Variants in TEAD4 observed in about 807,000 individuals in gnomAD.
TEAD4 encodes the protein transcriptional enhancer factor TEF-3.
Under a neutral mutation model 52.4 loss-of-function variants are expected in TEAD4, and 36 were observed. The ratio of observed to expected loss-of-function variants is 0.69; its 90% CI spans 0.53 to 0.91. TEAD4 has a LOEUF of 0.91. Among genes scored for constraint, TEAD4 ranks in the 40% least tolerant of loss-of-function variants. TEAD4 has a pLI of 0.00. For synonymous variants in TEAD4, 220 were observed against 231.0 expected (o/e 0.95, Z 0.43); for missense variants, 508 against 583.9 (o/e 0.87, Z 1.34).
At chr12:3,037,466 A>T (rs1159117514) in intron 10 of TEAD4, among the ~76,000 whole-genome samples, 1 of 152,152 alleles carries the variant, frequency 6.6e-6, no homozygotes, top group African/African-American at 2.4e-5. Context: ...AGAGGATGAG[A>T]CAGGAGCAGC....
At chr12:2,979,108 G>T (rs1172322570) in intron 2 of TEAD4, among the ~76,000 whole-genome samples, 1 of 151,926 alleles carries the variant, frequency 6.6e-6, no homozygotes, top group Non-Finnish European at 1.5e-5. Flanking sequence ...TAGAGACAGG[G>T]TTTCACATTG....
At chr12:2,970,927 T>C (rs981297340) in intron 2 of TEAD4, among the ~76,000 whole-genome samples, 1 of 152,244 alleles carries the variant, frequency 6.6e-6, no homozygotes, top group Non-Finnish European at 1.5e-5. Flanking sequence ...TTGCTGCTTA[T>C]GCAAGAGAAG....
At chr12:3,013,388 G>A (rs183518349) in intron 5 of TEAD4, among the ~76,000 whole-genome samples, 245 of 151,626 alleles carry the variant, frequency 1.6e-3, no homozygotes, top group Non-Finnish European at 2.2e-3. Flanking sequence ...CTCCTCCCGC[G>A]CATCCTTTCC....
At chr12:2,976,790 G>C (rs1181263612) in intron 2 of TEAD4, among the ~76,000 whole-genome samples, 1 of 152,142 alleles carries the variant, frequency 6.6e-6, no homozygotes, top group East Asian at 1.9e-4. Context: ...ATTGCCGCCC[G>C]GGCCTGGGGG....
At position 3,000,422 on chromosome 12, in the gene TEAD4, A is replaced by G. The variant is rs537213249; in HGVS notation, c.226+5430A>G. Among the ~76,000 whole-genome samples, 29 of 152,254 alleles carry G rather than the reference A, an allele frequency of 1.9e-4. 1 individual carries two copies. The highest frequency in any genetic ancestry group is 6.7e-4 in the African/African-American group (28 of 41,560). On this transcript the variant is annotated intron_variant, in intron 3 of 12. Coordinates refer to ENST00000359864, the MANE Select transcript of TEAD4 (RefSeq NM_003213.4). The stretch of plus-strand genomic sequence containing the variant: ...ACTCTGCAGAGTCCCGAGGTGGTGC[A>G]GGCATCCCGTGGCGAAGGGGCCGAG...
chr12:3,011,864 CTG>C (rs2098260629), intron 4 of TEAD4, among the ~76,000 whole-genome samples: 1 of 152,094 alleles, frequency 6.6e-6, no homozygotes. Context: ...TGGAGTTTCA[CTG>C]TGTTGGCCAG....
chr12:2,994,733 C>G lies in TEAD4; in HGVS notation c.-29-5C>G. The G allele has an allele frequency of 6.4e-7, 1 of 1,568,302 alleles. No homozygotes were observed. The highest frequency in any genetic ancestry group is 1.4e-5 in the African/African-American group (1 of 73,958). ...TCACCGGGGCTGTGGTTCCTGTCCC[C>G]ACAGGTCCAACGAGCGCTCCTCCAA... On this transcript the variant is annotated splice_region_variant and splice_polypyrimidine_tract_variant and intron_variant, in intron 2 of 12. Transcript: ENST00000359864. The surrounding 1 kb of genome is among the most constrained non-coding windows in gnomAD (Gnocchi z 4.7).
chr12:3,010,332 C>T (rs2098259260), intron 3 of TEAD4, among the ~76,000 whole-genome samples: 1 of 152,250 alleles, frequency 6.6e-6, no homozygotes, highest in Non-Finnish European at 1.5e-5. Context: ...TTCCAGGATG[C>T]TTCAGGCGTA....
At chr12:3,033,442 TGA>T (rs1476551699) in intron 10 of TEAD4, among the ~76,000 whole-genome samples, 3 of 152,146 alleles carry the variant, frequency 2.0e-5, no homozygotes, top group African/African-American at 7.2e-5. Flanking sequence ...CTGGGGCCGG[TGA>T]GAGGGGGCCT....
Position 2,980,071 on chromosome 12 carries a change from G to A in TEAD4, c.-29-14667G>A, listed in dbSNP as rs958413407. ...GAGGTTGGAATTGTGTGGCAGAAAA[G>A]TGCAGGCCTGAGATGTAGTTCTAGT... On this transcript the variant is annotated intron_variant, in intron 2 of 12. Coordinates refer to ENST00000359864, the MANE Select transcript of TEAD4 (RefSeq NM_003213.4). 2.6e-5 allele frequency among the ~76,000 whole-genome samples: 4 copies of A among 152,138 alleles called. No individual in the cohort carries two copies. The East Asian group carries it at 7.7e-4, about 29-fold the overall frequency.
At chr12:3,030,353 A>G (rs922980840) in intron 10 of TEAD4, among the ~76,000 whole-genome samples, 4 of 152,072 alleles carry the variant, frequency 2.6e-5, no homozygotes, top group Non-Finnish European at 2.9e-5. Context: ...TTGATCTTCT[A>G]CCGATGCATG....
intron 2 of TEAD4, among the ~76,000 whole-genome samples, chr12:2,969,779 G>T (rs182421122): frequency 1.3e-5 from 2 of 152,202 alleles, no homozygotes; most frequent in African/African-American, 2.4e-5. Flanking sequence ...AAACAAGCAC[G>T]GTGTTAGGAA....
At chr12:2,992,007 C>T (rs935479280) in intron 2 of TEAD4, among the ~76,000 whole-genome samples, 1 of 120,690 alleles carries the variant, frequency 8.3e-6, no homozygotes, top group Non-Finnish European at 1.7e-5. Flanking sequence ...TTGGGGGGGG[C>T]GGTTCCTGCT....
At chr12:2,976,008 A>T (rs1401930674) in intron 2 of TEAD4, among the ~76,000 whole-genome samples, 3 of 145,588 alleles carry the variant, frequency 2.1e-5, no homozygotes, top group Admixed American at 1.4e-4. Context: ...TTCATAGCTC[A>T]TTTTTTTTTT....
Position 2,964,761 on chromosome 12 carries a change from C to T in TEAD4, c.-30+4721C>T, listed in dbSNP as rs576802306. Among the ~76,000 whole-genome samples, 9 of 152,158 alleles carry T rather than the reference C, an allele frequency of 5.9e-5. No individual in the cohort carries two copies. The South Asian group carries it at 1.5e-3, about 25-fold the overall frequency. ...TGCTGGGATTACAGGCGTGAACCACCGTGCGCCTGGCCATGGGGGATTTCT... is the reference window on the plus strand; with the variant it reads ...TGCTGGGATTACAGGCGTGAACCACTGTGCGCCTGGCCATGGGGGATTTCT... On this transcript the variant is annotated intron_variant, in intron 2 of 12. Transcript: ENST00000359864.
chr12:3,022,767 G>T (rs1199894647), intron 10 of TEAD4, among the ~76,000 whole-genome samples: 1 of 152,152 alleles, frequency 6.6e-6, no homozygotes, highest in Non-Finnish European at 1.5e-5. Context: ...TGAAGCCAGC[G>T]GTGAGGAAGG....
chr12:2,997,811 G>A (rs1009905801), intron 3 of TEAD4, among the ~76,000 whole-genome samples: 3 of 150,946 alleles, frequency 2.0e-5, no homozygotes, highest in Non-Finnish European at 2.9e-5. Flanking sequence ...TTTTCGGGGG[G>A]GGGGTGTGTG....
At chr12:3,019,050 C>G in intron 7 of TEAD4, 65 bp from the exon 8 acceptor site, 1 of 1,586,748 alleles carries the variant, frequency 6.3e-7, no homozygotes, top group East Asian at 2.2e-5. Context: ...CCACTGGACC[C>G]AGTGCAGGGA....
At chr12:2,965,410 T>G (rs1027277210) in intron 2 of TEAD4, among the ~76,000 whole-genome samples, 3 of 152,242 alleles carry the variant, frequency 2.0e-5, no homozygotes, top group Non-Finnish European at 1.5e-5. Flanking sequence ...TCCTCCTACC[T>G]TGGCCTCCCA....
Sources: allele counts gnomAD v4.1 joint callset (sites outside exome capture counted in the v4.1 genomes callset), GRCh38; gene constraint gnomAD v4.1.1; non-coding constraint Gnocchi (gnomAD v3.1); transcripts MANE v1.5; gene names NCBI Gene and HGNC (gene_info 2026-07-23, HGNC 2026-07-21).